The following KATNA1 variants were observed in gnomAD, a reference collection of about 807,000 sequenced individuals.
KATNA1 encodes katanin p60 ATPase-containing subunit A1.
Under a neutral mutation model 62.6 loss-of-function variants are expected in KATNA1, and 42 were observed. The ratio of observed to expected loss-of-function variants is 0.67; its 90% CI spans 0.52 to 0.87. The LOEUF (loss-of-function observed/expected upper bound fraction) is 0.87. KATNA1 is among the 40% of genes least tolerant of loss of function. The probability of loss-of-function intolerance (pLI) is 0.00; values close to 1 mark genes in which losing one functional copy is unlikely to be tolerated. For synonymous variants in KATNA1, 186 were observed against 201.9 expected, an observed-to-expected ratio of 0.92 and a Z score of 0.67; for missense variants, 498 against 612.5, an observed-to-expected ratio of 0.81 and a Z score of 1.97.
chr6:149,598,367 T>G lies in KATNA1; in HGVS notation c.889-17A>C. On this transcript the variant is annotated splice_polypyrimidine_tract_variant and intron_variant, in intron 7 of 10. Coordinates refer to ENST00000367411, the MANE Select transcript of KATNA1 (RefSeq NM_007044.4). Reference sequence around the variant, plus strand: ...AAATCGAGCCTAAAGGAAGAAACCATGCAATATCAAGCTATTAAGCTATTA... The same window carrying G: ...AAATCGAGCCTAAAGGAAGAAACCAGGCAATATCAAGCTATTAAGCTATTA... 1 of 1,611,144 alleles carries G rather than the reference T, an allele frequency of 6.2e-7. No homozygotes were observed. The highest frequency in any genetic ancestry group is 8.5e-7 in the Non-Finnish European group (1 of 1,178,256).
rs1169018343 is a variant in KATNA1, at chr6:149,609,802, C to CAAAAAAAAAAAAAAA, written c.502-5021_502-5020insTTTTTTTTTTTTTTT. ...TGGGCGACAGAGCTAGACTCCATCT[C>CAAAAAAAAAAAAAAA]AAAAAAAAAAAAAATAGGCCAGGTG... On this transcript the variant is annotated intron_variant, in intron 4 of 10. Transcript: ENST00000367411. Among the ~76,000 whole-genome samples the CAAAAAAAAAAAAAAA allele has an allele frequency of 7.6e-4, 49 of 64,508 alleles. 5 individuals carry two copies. Among genetic ancestry groups the CAAAAAAAAAAAAAAA allele is most frequent in the East Asian group, 5.4e-3 (5 of 926 alleles). The allele number at this position is 64,508 out of a possible 152,430, so 42.3% of individuals were successfully genotyped here.
intron 4 of KATNA1, among the ~76,000 whole-genome samples, chr6:149,609,608 G>A (rs1778868252): frequency 6.6e-6 from 1 of 151,410 alleles, no homozygotes; most frequent in Non-Finnish European, 1.5e-5. Context: ...TTTGAGACCA[G>A]CCTGGCCAAC....
chr6:149,612,212 TAAAA>T (rs1765759131), intron 4 of KATNA1, among the ~76,000 whole-genome samples: 1 of 151,780 alleles, frequency 6.6e-6, no homozygotes, highest in Admixed American at 6.6e-5. Flanking sequence ...TAGAAACATT[TAAAA>T]AAGAATTAAG....
At chr6:149,601,332 C>A (rs1024488492) in intron 7 of KATNA1, among the ~76,000 whole-genome samples, 6 of 152,058 alleles carry the variant, frequency 3.9e-5, no homozygotes, top group African/African-American at 1.4e-4. Flanking sequence ...TTTCAGATTC[C>A]TACAGAAGAT....
intron 4 of KATNA1, among the ~76,000 whole-genome samples, chr6:149,618,488 T>G (rs1048160113): frequency 2.0e-5 from 3 of 149,616 alleles, no homozygotes; most frequent in African/African-American, 7.4e-5. Flanking sequence ...AAAAAAAAAA[T>G]AAAAAAAAGA....
At chr6:149,625,939 A>C (rs1779588366) in intron 3 of KATNA1, among the ~76,000 whole-genome samples, 1 of 152,048 alleles carries the variant, frequency 6.6e-6, no homozygotes, top group Non-Finnish European at 1.5e-5. Context: ...ATCTCAAAAA[A>C]AAAAAAAAGA....
chr6:149,625,661 C>T (rs1262800171), intron 3 of KATNA1, among the ~76,000 whole-genome samples: 1 of 151,380 alleles, frequency 6.6e-6, no homozygotes, highest in South Asian at 2.1e-4. Flanking sequence ...AGGCTGGGTG[C>T]GGTGGCTCAC....
intron 3 of KATNA1, among the ~76,000 whole-genome samples, chr6:149,628,006 G>A (rs1483511856): frequency 6.6e-6 from 1 of 151,956 alleles, no homozygotes; most frequent in East Asian, 1.9e-4. Context: ...AGATATTTGA[G>A]GGACATCAGC....
chr6:149,636,083 A>T lies in KATNA1; in HGVS notation c.162+2303T>A, dbSNP rs530843433. ...AAGAAAACAAACCAGAAAATGGTAA[A>T]AAATAAAAATAAAAATAAACTATAT... On this transcript the variant is annotated intron_variant, in intron 2 of 10. Transcript: ENST00000367411. Among the ~76,000 whole-genome samples the T allele has an allele frequency of 6.6e-5, 10 of 152,114 alleles. No homozygotes were observed. In the South Asian group the frequency reaches 1.9e-3, roughly 28 times the overall value.
intron 4 of KATNA1, among the ~76,000 whole-genome samples, chr6:149,605,681 T>C (rs1440710232): frequency 6.6e-6 from 1 of 152,190 alleles, no homozygotes; most frequent in African/African-American, 2.4e-5. Context: ...CAACATCTGT[T>C]GAACACTGTG....
intron 7 of KATNA1, among the ~76,000 whole-genome samples, chr6:149,599,898 A>G (rs533958691): frequency 9.7e-4 from 148 of 152,276 alleles, no homozygotes; most frequent in African/African-American, 3.5e-3. Flanking sequence ...CTGGCCAATC[A>G]GAGCACTCCA....
intron 1 of KATNA1, among the ~76,000 whole-genome samples, 185 bp downstream of exon 1, chr6:149,648,284 T>C (rs1582821338): frequency 6.6e-6 from 1 of 151,906 alleles, no homozygotes; most frequent in Non-Finnish European, 1.5e-5. Flanking sequence ...ATTCCTCAGG[T>C]AGGGGGACTG....
At chr6:149,643,844 T>C (rs1048743828) in intron 1 of KATNA1, among the ~76,000 whole-genome samples, 5 of 151,300 alleles carry the variant, frequency 3.3e-5, no homozygotes, top group African/African-American at 1.2e-4. Flanking sequence ...AATATATATA[T>C]ATATTTTTTT....
intron 10 of KATNA1, among the ~76,000 whole-genome samples, chr6:149,596,301 G>A (rs2115071662): frequency 6.6e-6 from 1 of 152,312 alleles, no homozygotes; most frequent in Admixed American, 6.5e-5. Context: ...TTGGGAGGCT[G>A]AGGCAGGCGG....
chr6:149,646,860 A>C (rs1011629336), intron 1 of KATNA1, among the ~76,000 whole-genome samples: 1 of 152,230 alleles, frequency 6.6e-6, no homozygotes, highest in African/African-American at 2.4e-5. Context: ...TATTTATGTG[A>C]TAATACTATC....
intron 2 of KATNA1, among the ~76,000 whole-genome samples, chr6:149,636,719 C>CA (rs2114620469): frequency 6.6e-6 from 1 of 151,784 alleles, no homozygotes; most frequent in Admixed American, 6.6e-5. Context: ...CGGCTCACTG[C>CA]AACCTCTGCC....
chr6:149,648,727 G>A (rs182889056), upstream of KATNA1: 5 of 152,346 alleles, frequency 3.3e-5, no homozygotes, highest in African/African-American at 9.6e-5. Context: ...CGCACGCGGG[G>A]CGTCGCCCCG....
At chr6:149,601,841 C>A in intron 6 of KATNA1, 89 bp from the exon 7 acceptor site, 1 of 947,522 alleles carries the variant, frequency 1.1e-6, no homozygotes, top group Non-Finnish European at 1.5e-6. Context: ...AAATTTCGAC[C>A]AACTTATATA....
chr6:149,596,281 T>C (rs376481238), intron 10 of KATNA1, among the ~76,000 whole-genome samples: 3 of 152,196 alleles, frequency 2.0e-5, no homozygotes, highest in South Asian at 4.1e-4. Context: ...ACGCCTGTAA[T>C]CTTAGCATTT....
Sources: gnomAD v4.1 joint callset for allele counts (sites outside exome capture counted in the v4.1 genomes callset) on GRCh38, gnomAD v4.1.1 for gene constraint, MANE v1.5 for transcripts, NCBI Gene and HGNC (gene_info 2026-07-23, HGNC 2026-07-21) for gene names.